Variants in LSAMP observed in about 807,000 individuals in gnomAD.
LSAMP encodes the protein limbic system-associated membrane protein.
A neutral mutation model predicts 38.6 loss-of-function variants in LSAMP; 7 were observed. The observed-to-expected ratio is 0.18, with a 90% CI of 0.10 to 0.34. LSAMP has a LOEUF of 0.34. LSAMP is among the 10% of genes least tolerant of loss of function. The pLI is 1.00. For missense variants in LSAMP, 313 were observed against 420.0 expected (o/e 0.75, Z 2.23); for synonymous variants, 154 against 166.8 (o/e 0.92, Z 0.59).
At chr3:116,297,897 G>C (rs752765070) in intron 1 of LSAMP, among the ~76,000 whole-genome samples, 1 of 152,050 alleles carries the variant, frequency 6.6e-6, no homozygotes, top group Non-Finnish European at 1.5e-5. Context: ...TATTTCTTCA[G>C]TGATACCCTG....
chr3:116,351,273 G>A (rs2048135823), intron 1 of LSAMP, among the ~76,000 whole-genome samples: 1 of 151,868 alleles, frequency 6.6e-6, no homozygotes, highest in Admixed American at 6.6e-5. Flanking sequence ...ATTTCTCTTT[G>A]TTTATTTCCC....
chr3:115,916,559 CT>C (rs1394296440), intron 3 of LSAMP, among the ~76,000 whole-genome samples: 10 of 152,264 alleles, frequency 6.6e-5, no homozygotes, highest in African/African-American at 2.4e-4. Context: ...TCACCTTTAC[CT>C]TCTCTTGCAC....
At chr3:116,345,561 T>C (rs1269489564) in intron 1 of LSAMP, among the ~76,000 whole-genome samples, 1 of 152,124 alleles carries the variant, frequency 6.6e-6, no homozygotes, top group Non-Finnish European at 1.5e-5. Flanking sequence ...GGTGGATACT[T>C]AGTTACATTC....
chr3:116,131,584 C>A (rs1347758361), intron 1 of LSAMP, among the ~76,000 whole-genome samples: 3 of 152,112 alleles, frequency 2.0e-5, no homozygotes, highest in Non-Finnish European at 2.9e-5. Context: ...TACCAGGGAA[C>A]AAATCAATAG....
chr3:116,054,679 C>A (rs984047508), intron 2 of LSAMP, among the ~76,000 whole-genome samples: 1 of 152,076 alleles, frequency 6.6e-6, no homozygotes. Context: ...TGATTACATG[C>A]ACTAAATATA....
chr3:116,219,244 T>A (rs776005994), intron 1 of LSAMP, among the ~76,000 whole-genome samples: 7 of 152,202 alleles, frequency 4.6e-5, no homozygotes, highest in Non-Finnish European at 8.8e-5. Flanking sequence ...TAGCATAATA[T>A]CATCAAGGCC....
chr3:115,955,098 C>A (rs1487606610), intron 3 of LSAMP, among the ~76,000 whole-genome samples: 1 of 151,928 alleles, frequency 6.6e-6, no homozygotes, highest in African/African-American at 2.4e-5. Flanking sequence ...CCAAGCCAGG[C>A]TAATTTTTTG....
chr3:116,405,297 A>C (rs1159111463), intron 1 of LSAMP, among the ~76,000 whole-genome samples: 1 of 152,144 alleles, frequency 6.6e-6, no homozygotes, highest in East Asian at 1.9e-4. Context: ...TACACATGCT[A>C]TGCCATTACC....
chr3:116,009,727 C>T (rs1940269879), intron 3 of LSAMP, among the ~76,000 whole-genome samples: 1 of 152,052 alleles, frequency 6.6e-6, no homozygotes, highest in African/African-American at 2.4e-5. Flanking sequence ...AACGGGGGCT[C>T]CTTCTTCTGT....
intron 3 of LSAMP, among the ~76,000 whole-genome samples, chr3:115,945,123 A>G (rs1044311995): frequency 1.3e-5 from 2 of 151,984 alleles, no homozygotes; most frequent in Non-Finnish European, 2.9e-5. Context: ...TTATTTGCTT[A>G]GTTTTCTTGG....
chr3:116,166,776 G>GT (rs1231142461), intron 1 of LSAMP, among the ~76,000 whole-genome samples: 106 of 129,446 alleles, frequency 8.2e-4, no homozygotes, highest in African/African-American at 9.9e-4. Flanking sequence ...AAAATTTTTA[G>GT]TTTTTTTTTT....
chr3:116,105,190 A>AAC lies in LSAMP; in HGVS notation c.156-18635_156-18634insGT, dbSNP rs1553704181. ...TTTGACTAGGGGGAAAAAAAAAAAA[A>AAC]CTGCCACAGCTGGTGATATACAGTC... On this transcript the variant is annotated intron_variant, in intron 1 of 6. Coordinates refer to ENST00000490035, the MANE Select transcript of LSAMP (RefSeq NM_002338.5). Among the ~76,000 whole-genome samples the AAC allele has an allele frequency of 1.6e-3, 245 of 151,858 alleles. 1 individual carries two copies. Among genetic ancestry groups the AAC allele is most frequent in the African/African-American group, 5.8e-3 (241 of 41,322 alleles).
intron 3 of LSAMP, among the ~76,000 whole-genome samples, chr3:115,856,058 G>A (rs540147885): frequency 1.3e-5 from 2 of 152,288 alleles, no homozygotes; most frequent in Admixed American, 1.3e-4. Flanking sequence ...TCTGTTGTTG[G>A]AAAGCCAAAG....
At chr3:116,425,346 A>T (rs2107862089) in intron 1 of LSAMP, among the ~76,000 whole-genome samples, 1 of 152,298 alleles carries the variant, frequency 6.6e-6, no homozygotes, top group African/African-American at 2.4e-5. Context: ...CAACAAATAT[A>T]CTTCATTCTG....
At chr3:116,248,878 T>A (rs2046638167) in intron 1 of LSAMP, among the ~76,000 whole-genome samples, 1 of 152,088 alleles carries the variant, frequency 6.6e-6, no homozygotes, top group African/African-American at 2.4e-5. Context: ...CCAGGCGCGG[T>A]GGCTCACGCC....
chr3:116,251,338 G>T (rs2046682138), intron 1 of LSAMP, among the ~76,000 whole-genome samples: 1 of 151,950 alleles, frequency 6.6e-6, no homozygotes, highest in East Asian at 1.9e-4. Flanking sequence ...TTTTTTTTGA[G>T]GAGGCCATGG....
chr3:116,285,874 T>C (rs1186315275), intron 1 of LSAMP, among the ~76,000 whole-genome samples: 1 of 152,154 alleles, frequency 6.6e-6, no homozygotes, highest in African/African-American at 2.4e-5. Flanking sequence ...TCTTAGGAAT[T>C]TGGGAGACAG....
At chr3:116,073,669 T>C (rs1156654095) in intron 2 of LSAMP, among the ~76,000 whole-genome samples, 5 of 152,198 alleles carry the variant, frequency 3.3e-5, no homozygotes, top group Admixed American at 2.6e-4. Flanking sequence ...ATATCAATTT[T>C]GTATCCTGAG....
At chr3:116,051,757 ATGAGGGCCTCTCT>A (rs1941400618) in intron 2 of LSAMP, among the ~76,000 whole-genome samples, 1 of 151,930 alleles carries the variant, frequency 6.6e-6, no homozygotes, top group African/African-American at 2.4e-5. Context: ...CCAGAAAGCG[ATGAGGGCCTCTCT>A]TGTCATGGCT....
Sources: allele counts gnomAD v4.1 joint callset (sites outside exome capture counted in the v4.1 genomes callset), GRCh38; gene constraint gnomAD v4.1.1; transcripts MANE v1.5; gene names NCBI Gene and HGNC (gene_info 2026-07-23, HGNC 2026-07-21).